The following RYR3 variants were observed in gnomAD, a reference collection of about 807,000 sequenced individuals.
RYR3 encodes ryanodine receptor 3, also known as brain ryanodine receptor-calcium release channel.
RYR3 carries 207 observed loss-of-function variants against 584.3 expected under a neutral mutation model. The observed-to-expected ratio is 0.35, with a 90% CI of 0.32 to 0.40. The LOEUF (loss-of-function observed/expected upper bound fraction) is 0.40, where lower values mean the gene tolerates loss of function less well. Among genes scored for constraint, RYR3 ranks in the 10% least tolerant of loss-of-function variants. RYR3 has a pLI of 1.00. For missense variants in RYR3, 5,616 were observed against 6,089.2 expected, an observed-to-expected ratio of 0.92 and a Z score of 2.59; for synonymous variants, 2,416 against 2,248.5, an observed-to-expected ratio of 1.07 and a Z score of -2.11.
chr15:33,607,070 C>T lies in RYR3; in HGVS notation c.2164+3706C>T, dbSNP rs559180627. 1.6e-4 allele frequency among the ~76,000 whole-genome samples: 24 copies of T among 152,280 alleles called. No individual in the cohort carries two copies. The South Asian group carries it at 4.4e-3, about 28-fold the overall frequency. On this transcript the variant is annotated intron_variant, in intron 18 of 103. Transcript: ENST00000634891. Reference sequence around the variant, plus strand: ...CCACTGTGACTCAGACCTTTCCAACCCCAGTCCTATGTGGACGAGATCCGA... The same window carrying T: ...CCACTGTGACTCAGACCTTTCCAACTCCAGTCCTATGTGGACGAGATCCGA...
intron 11 of RYR3, among the ~76,000 whole-genome samples, chr15:33,564,925 A>G (rs1027677461): frequency 6.6e-6 from 1 of 152,242 alleles, no homozygotes; most frequent in Admixed American, 6.5e-5. Context: ...CTCTAAAAAT[A>G]CAAAGGATGT....
chr15:33,551,653 GTC>G lies in RYR3; in HGVS notation c.972+1342_972+1343del, dbSNP rs762016588. On this transcript the variant is annotated intron_variant, in intron 10 of 103. Transcript: ENST00000634891. Reference sequence around the variant, plus strand: ...GCTTCCTGTTCACATCTTCCTAACCGTCTCTCAAATGTCATCTTCCTTCTGCT... The same window carrying G: ...GCTTCCTGTTCACATCTTCCTAACCGTCTCAAATGTCATCTTCCTTCTGCT... 3.9e-5 allele frequency among the ~76,000 whole-genome samples: 6 copies of G among 152,052 alleles called. No homozygotes were observed. In the East Asian group the frequency reaches 1.2e-3, roughly 29 times the overall value.
intron 19 of RYR3, among the ~76,000 whole-genome samples, chr15:33,621,953 T>A (rs1470662523): frequency 1.3e-5 from 2 of 152,084 alleles, no homozygotes; most frequent in African/African-American, 4.8e-5. Context: ...AAATCATAAC[T>A]TTTCTCCGTT....
chr15:33,332,804 A>C (rs1970514523), intron 1 of RYR3, among the ~76,000 whole-genome samples: 1 of 152,138 alleles, frequency 6.6e-6, no homozygotes, highest in Non-Finnish European at 1.5e-5. Context: ...GTTGTAGCTC[A>C]AGCAATACTT....
At chr15:33,725,182 CACACACACACACACACACACAT>C (rs1410878616) in intron 45 of RYR3, among the ~76,000 whole-genome samples, 1 of 149,278 alleles carries the variant, frequency 6.7e-6, no homozygotes, top group Non-Finnish European at 1.5e-5. Flanking sequence ...CACACACACA[CACACACACACACACACACACAT>C]ATATACATCC....
chr15:33,437,520 A>G (rs1382159612), intron 1 of RYR3, among the ~76,000 whole-genome samples: 1 of 152,230 alleles, frequency 6.6e-6, no homozygotes, highest in Non-Finnish European at 1.5e-5. Context: ...AAACTGTTAT[A>G]TATACTACTC....
intron 92 of RYR3, among the ~76,000 whole-genome samples, chr15:33,843,836 C>T (rs1268281085): frequency 3.3e-5 from 5 of 152,178 alleles, no homozygotes; most frequent in Non-Finnish European, 1.5e-5. Flanking sequence ...TGCTGAGCAT[C>T]TACCATGAGC....
chr15:33,371,271 T>C (rs191455984), intron 1 of RYR3, among the ~76,000 whole-genome samples: 19 of 152,220 alleles, frequency 1.2e-4, no homozygotes, highest in African/African-American at 3.4e-4. Flanking sequence ...GAGCTCCTGC[T>C]GCTATTTGGA....
chr15:33,403,088 A>T (rs987520048), intron 1 of RYR3, among the ~76,000 whole-genome samples: 2 of 152,242 alleles, frequency 1.3e-5, no homozygotes, highest in African/African-American at 4.8e-5. Flanking sequence ...CAGTAGAGAA[A>T]TGAATGGTCA....
chr15:33,540,978 C>T (rs2055769653), intron 7 of RYR3, 88 bp downstream of exon 7: 1 of 809,944 alleles, frequency 1.2e-6, no homozygotes, highest in African/African-American at 1.7e-5. Context: ...TCCCAGATCT[C>T]ACCTGAATGT....
chr15:33,584,316 A>G (rs2643364), intron 14 of RYR3, 79 bp from the exon 15 acceptor site: 544,547 of 710,236 alleles, frequency 0.77, 210,237 homozygotes, highest in East Asian at 0.87. Flanking sequence ...AGCAAGTGAA[A>G]TATTCGACAG....
intron 103 of RYR3, 84 bp downstream of exon 103, chr15:33,864,273 AC>A: frequency 9.5e-7 from 1 of 1,053,918 alleles, no homozygotes; most frequent in Non-Finnish European, 1.4e-6. Context: ...TATCTGAAAT[AC>A]ATACATGGCC....
intron 48 of RYR3, among the ~76,000 whole-genome samples, chr15:33,735,039 A>G (rs962461815): frequency 1.3e-5 from 2 of 151,336 alleles, no homozygotes; most frequent in African/African-American, 4.9e-5. Flanking sequence ...CACAGCCCCT[A>G]TTACTGTACT....
At chr15:33,509,815 A>T (rs1419973051) in intron 3 of RYR3, among the ~76,000 whole-genome samples, 2 of 151,648 alleles carry the variant, frequency 1.3e-5, no homozygotes, top group Non-Finnish European at 2.9e-5. Flanking sequence ...GGACCTCCCC[A>T]CCCCAGTGCC....
intron 3 of RYR3, among the ~76,000 whole-genome samples, chr15:33,517,907 G>A (rs1309830302): frequency 6.6e-6 from 1 of 152,226 alleles, no homozygotes; most frequent in Non-Finnish European, 1.5e-5. Context: ...AATAGAATGA[G>A]ACTTTATTAT....
chr15:33,315,973 G>C (rs1394541536), intron 1 of RYR3, among the ~76,000 whole-genome samples: 1 of 152,160 alleles, frequency 6.6e-6, no homozygotes, highest in Non-Finnish European at 1.5e-5. Context: ...TGACATCTGT[G>C]CATGTTTTTT....
At chr15:33,841,380 T>TTA (rs1348201587) in intron 90 of RYR3, among the ~76,000 whole-genome samples, 12 of 152,356 alleles carry the variant, frequency 7.9e-5, no homozygotes, top group Non-Finnish European at 1.3e-4. Context: ...TACCTTATAT[T>TTA]TATCATGCTA....
At position 33,662,609 on chromosome 15, in the gene RYR3, G is replaced by A. The variant is rs771420569; in HGVS notation, c.5079G>A (p.Thr1693=). 1.8e-5 allele frequency: 29 copies of A among 1,613,888 alleles called. No homozygotes were observed. The highest frequency in any genetic ancestry group is 2.7e-5 in the African/African-American group (2 of 74,912). The change falls in exon 35 of 104, where the codon ACG becomes ACA. Residue 1693 remains threonine (T), a synonymous_variant. Coordinates refer to ENST00000634891, the MANE Select transcript of RYR3 (RefSeq NM_001036.6). ...SPEIPLESLR[T]KALSMLTEAV... is the part of the protein sequence containing the mutation. The stretch of plus-strand genomic sequence containing the variant: ...AGATTCCCTTGGAGAGTCTCAGGAC[G>A]AAGGCTCTGAGTATGCTGACAGAGG...
chr15:33,669,835 T>G, intron 37 of RYR3, among the ~76,000 whole-genome samples: 1 of 14,902 alleles, frequency 6.7e-5, no homozygotes, highest in African/African-American at 2.2e-4. Context: ...ATTAGGGGTG[T>G]GTGTGTGTGG....
Sources: gnomAD v4.1 joint callset for allele counts (sites outside exome capture counted in the v4.1 genomes callset) on GRCh38, gnomAD v4.1.1 for gene constraint, MANE v1.5 for transcripts, NCBI Gene and HGNC (gene_info 2026-07-23, HGNC 2026-07-21) for gene names.